GRIK2: variants seen among roughly 807,000 people sequenced by gnomAD.
GRIK2 encodes glutamate ionotropic receptor kainate type subunit 2.
GRIK2 carries 32 observed loss-of-function variants against 100.3 expected under a neutral mutation model. The ratio of observed to expected loss-of-function variants is 0.32; its 90% CI spans 0.24 to 0.43. The LOEUF (loss-of-function observed/expected upper bound fraction) is 0.43, where lower values mean the gene tolerates loss of function less well. GRIK2 is among the 20% of genes least tolerant of loss of function. The pLI, the probability that GRIK2 is intolerant of heterozygous loss-of-function variation, is 1.00. For missense variants in GRIK2, 843 were observed against 1,114.9 expected (o/e 0.76, Z 3.47); for synonymous variants, 417 against 389.4 (o/e 1.07, Z -0.83).
At chr6:101,600,413 T>C (rs1043228309) in intron 2 of GRIK2, among the ~76,000 whole-genome samples, 1 of 151,894 alleles carries the variant, frequency 6.6e-6, no homozygotes, top group Non-Finnish European at 1.5e-5. Context: ...AAATTTGGAA[T>C]AGTTTTCTTC....
In GRIK2 at chr6:101,432,938, A is replaced by G. The variant is rs1371065416; in HGVS notation, c.115+33546A>G. ...GAAGAAAGATCTACCCCCTTTCCAG[A>G]CTCTGTAATTTCAAGGAGGAGGAGG... On this transcript the variant is annotated intron_variant, in intron 2 of 16. Coordinates refer to ENST00000369134, the MANE Select transcript of GRIK2 (RefSeq NM_021956.5). 2.6e-5 allele frequency among the ~76,000 whole-genome samples: 4 copies of G among 152,152 alleles called. No individual in the cohort carries two copies. The East Asian group carries it at 7.7e-4, about 29-fold the overall frequency.
chr6:102,029,837 G>C (rs13201414), intron 14 of GRIK2, among the ~76,000 whole-genome samples: 4 of 150,802 alleles, frequency 2.7e-5, no homozygotes, highest in African/African-American at 9.7e-5. Context: ...GTGTTGGAGA[G>C]TCTTTCCTAA....
Position 102,008,295 on chromosome 6 carries a change from C to T in GRIK2, c.2086-27046C>T, listed in dbSNP as rs554089699. The stretch of plus-strand genomic sequence containing the variant: ...AGGACTTGGAAGACACAAAACAGCA[C>T]ATGACCAGGCAACAGAACAGAGAGG... On this transcript the variant is annotated intron_variant, in intron 14 of 16. Coordinates refer to ENST00000369134, the MANE Select transcript of GRIK2 (RefSeq NM_021956.5). 4.9e-4 allele frequency among the ~76,000 whole-genome samples: 75 copies of T among 152,110 alleles called. No homozygotes were observed. The Middle Eastern group carries it at 0.01, about 21-fold the overall frequency.
intron 15 of GRIK2, among the ~76,000 whole-genome samples, chr6:102,043,021 T>A (rs1770677533): frequency 6.6e-6 from 1 of 151,720 alleles, no homozygotes; most frequent in Admixed American, 6.6e-5. Flanking sequence ...ACATATACTC[T>A]ATAATTTGAA....
intron 4 of GRIK2, among the ~76,000 whole-genome samples, chr6:101,651,547 T>A (rs1347703754): frequency 6.6e-6 from 1 of 151,896 alleles, no homozygotes; most frequent in East Asian, 1.9e-4. Context: ...CAGAAAAAAA[T>A]AGAGCAATGC....
At chr6:101,935,797 T>A (rs1425593600) in intron 14 of GRIK2, among the ~76,000 whole-genome samples, 1 of 152,042 alleles carries the variant, frequency 6.6e-6, no homozygotes, top group East Asian at 1.9e-4. Context: ...TAGTACACAA[T>A]TCTAATTTAC....
At chr6:102,010,878 A>G in intron 14 of GRIK2, among the ~76,000 whole-genome samples, 1 of 151,848 alleles carries the variant, frequency 6.6e-6, no homozygotes, top group Non-Finnish European at 1.5e-5. Flanking sequence ...TTTCTTTTTA[A>G]TAAATAGTAC....
intron 4 of GRIK2, among the ~76,000 whole-genome samples, chr6:101,653,512 G>A (rs886890583): frequency 6.6e-6 from 1 of 152,012 alleles, no homozygotes; most frequent in African/African-American, 2.4e-5. Flanking sequence ...CATTACTAAC[G>A]TCTTTGTGCA....
chr6:101,716,165 G>A (rs1438374031), intron 7 of GRIK2, among the ~76,000 whole-genome samples: 1 of 151,550 alleles, frequency 6.6e-6, no homozygotes, highest in Non-Finnish European at 1.5e-5. Context: ...AACTTCTTAT[G>A]TTCTTTCAGA....
At chr6:101,536,093 T>A (rs886641558) in intron 2 of GRIK2, among the ~76,000 whole-genome samples, 1 of 151,756 alleles carries the variant, frequency 6.6e-6, no homozygotes, top group African/African-American at 2.4e-5. Flanking sequence ...ATTAATTCAA[T>A]TTCCCATTTG....
chr6:101,609,642 G>A (rs479206), intron 2 of GRIK2, among the ~76,000 whole-genome samples: 56,179 of 151,490 alleles, frequency 0.37, 11,198 homozygotes, highest in African/African-American at 0.52. Context: ...TAATACATGA[G>A]ACACTCTCAT....
Position 101,901,590 on chromosome 6 carries a change from A to C in GRIK2, c.1748+11727A>C, listed in dbSNP as rs191815554. On this transcript the variant is annotated intron_variant, in intron 12 of 16. Coordinates refer to ENST00000369134, the MANE Select transcript of GRIK2 (RefSeq NM_021956.5). ...AAACTAAAATACAGTATACCATTATAACTTTAAGTAATAAGAATAAGTCAT... is the reference window on the plus strand; with the variant it reads ...AAACTAAAATACAGTATACCATTATCACTTTAAGTAATAAGAATAAGTCAT... Among the ~76,000 whole-genome samples the C allele has an allele frequency of 4.3e-4, 65 of 151,986 alleles. 2 individuals carry two copies. Among genetic ancestry groups the C allele is most frequent in the African/African-American group, 1.5e-3 (63 of 41,560 alleles).
intron 4 of GRIK2, among the ~76,000 whole-genome samples, chr6:101,635,975 A>G (rs922816655): frequency 6.6e-6 from 1 of 152,158 alleles, no homozygotes; most frequent in Non-Finnish European, 1.5e-5. Context: ...CAGAAATACC[A>G]TTTGACCCAG....
chr6:101,873,616 T>A (rs1785587529), intron 11 of GRIK2, among the ~76,000 whole-genome samples: 1 of 152,046 alleles, frequency 6.6e-6, no homozygotes, highest in Non-Finnish European at 1.5e-5. Flanking sequence ...TACCCAGTAA[T>A]GGGATGGCTG....
chr6:101,647,083 G>T lies in GRIK2; in HGVS notation c.541+20446G>T, dbSNP rs76449765. 7.0e-3 allele frequency among the ~76,000 whole-genome samples: 1,061 copies of T among 152,064 alleles called. 8 individuals carry two copies. The highest frequency in any genetic ancestry group is 0.026 in the South Asian group (124 of 4,822). On this transcript the variant is annotated intron_variant, in intron 4 of 16. Coordinates refer to ENST00000369134, the MANE Select transcript of GRIK2 (RefSeq NM_021956.5). ...AAAAATGTAAAATCTGAGTCTTAAA[G>T]ATGTTATGAAACTTTTCTGAGGGAA...
chr6:101,421,887 TAG>T (rs997598413), intron 2 of GRIK2, among the ~76,000 whole-genome samples: 13 of 152,220 alleles, frequency 8.5e-5, no homozygotes, highest in African/African-American at 3.1e-4. Context: ...GGTAACATGT[TAG>T]AAAATAATTT....
Position 101,469,593 on chromosome 6 carries a change from G to T in GRIK2, c.115+70201G>T, listed in dbSNP as rs560304999. ...ATTTACCTGTATAAATTTAGTACAT[G>T]GTGGGATATAAAACTCTAACTGGCC... On this transcript the variant is annotated intron_variant, in intron 2 of 16. Coordinates refer to ENST00000369134, the MANE Select transcript of GRIK2 (RefSeq NM_021956.5). Among the ~76,000 whole-genome samples, 8 of 152,244 alleles carry T rather than the reference G, an allele frequency of 5.3e-5. No individual in the cohort carries two copies. In the South Asian group the frequency reaches 1.7e-3, roughly 32 times the overall value.
rs1771173275 is a variant in GRIK2, at chr6:102,051,260, CCTTCCTT to C, written c.2312-4068_2312-4062del. 5.1e-5 allele frequency among the ~76,000 whole-genome samples: 5 copies of C among 97,250 alleles called. No individual in the cohort carries two copies. The Admixed American group carries it at 5.8e-4, about 11-fold the overall frequency. 63.8% of individuals were successfully genotyped at this position (97,250 alleles called of 152,430 possible). On this transcript the variant is annotated intron_variant, in intron 15 of 16. Transcript: ENST00000369134. ...GCCTGCTTCCCTCCCTCCCTTCCTT[CCTTCCTT>C]CCTTCCTTCCTTCCTTCCTTCCTTC... is the stretch of plus-strand genomic sequence containing the variant.
At chr6:101,742,055 T>C (rs555053548) in intron 7 of GRIK2, among the ~76,000 whole-genome samples, 3 of 152,358 alleles carry the variant, frequency 2.0e-5, no homozygotes, top group African/African-American at 7.2e-5. Flanking sequence ...AGCCTCTCTT[T>C]AGACTTCTAC....
Sources: gnomAD v4.1 joint callset for allele counts (sites outside exome capture counted in the v4.1 genomes callset) on GRCh38, gnomAD v4.1.1 for gene constraint, MANE v1.5 for transcripts, NCBI Gene and HGNC (gene_info 2026-07-23, HGNC 2026-07-21) for gene names.